Variants in CORO2A observed in about 807,000 individuals in gnomAD.
The protein encoded by CORO2A is coronin-2A.
A neutral mutation model predicts 62.4 loss-of-function variants in CORO2A; 47 were observed. That is an observed-to-expected ratio of 0.75 (90% CI 0.60 to 0.96). CORO2A has a LOEUF of 0.96. Ranked by LOEUF, CORO2A falls within the 40% of genes least tolerant of loss-of-function variation. The pLI, the probability that CORO2A is intolerant of heterozygous loss-of-function variation, is 0.00. For synonymous variants in CORO2A, 273 were observed against 268.9 expected (o/e 1.02, Z -0.15); for missense variants, 610 against 684.1 (o/e 0.89, Z 1.21).
At chr9:98,134,049 G>T (rs1564201917) in intron 4 of CORO2A, among the ~76,000 whole-genome samples, 2 of 152,166 alleles carry the variant, frequency 1.3e-5, no homozygotes, top group East Asian at 3.9e-4. Context: ...ACCATGTCCG[G>T]CCCCCCACCT....
chr9:98,132,400 TGG>T, intron 5 of CORO2A, 99 bp from the exon 6 acceptor site: 1 of 917,270 alleles, frequency 1.1e-6, no homozygotes, highest in African/African-American at 1.6e-5. Flanking sequence ...CCGCTCCACC[TGG>T]GAGGCCTCCC....
chr9:98,157,764 G>A, intron 1 of CORO2A, 104 bp from the exon 2 acceptor site: 1 of 1,096,562 alleles, frequency 9.1e-7, no homozygotes, highest in Non-Finnish European at 1.3e-6. Context: ...GAGCAGGACA[G>A]TGGTCAGTTC....
Position 98,165,387 on chromosome 9 carries a change from G to C in CORO2A, c.1-7727C>G, listed in dbSNP as rs969863738. On this transcript the variant is annotated intron_variant, in intron 1 of 11. Coordinates refer to ENST00000375077, the MANE Select transcript of CORO2A (RefSeq NM_052820.4). ...CGAACCATAGAATAGAAATTTCAAA[G>C]CAGAATAATCCAGGAAGCTTTATAG... is the stretch of plus-strand genomic sequence containing the variant. Among the ~76,000 whole-genome samples, 3 of 152,320 alleles carry C rather than the reference G, an allele frequency of 2.0e-5. No homozygotes were observed. The East Asian group carries it at 5.8e-4, about 29-fold the overall frequency.
At chr9:98,141,349 C>A (rs1389037543) in intron 2 of CORO2A, among the ~76,000 whole-genome samples, 1 of 103,844 alleles carries the variant, frequency 9.6e-6, no homozygotes, top group African/African-American at 3.7e-5. Context: ...ACCACTGACC[C>A]TTTTTTTTTT....
chr9:98,127,602 A>C (rs533207877), intron 10 of CORO2A, among the ~76,000 whole-genome samples: 1 of 152,134 alleles, frequency 6.6e-6, no homozygotes, highest in Non-Finnish European at 1.5e-5. Context: ...ACTTGAGGTC[A>C]AGAGTTTGAG....
At chr9:98,161,899 C>A (rs1827891628) in intron 1 of CORO2A, among the ~76,000 whole-genome samples, 1 of 152,126 alleles carries the variant, frequency 6.6e-6, no homozygotes, top group African/African-American at 2.4e-5. Flanking sequence ...GTAGGGGGTA[C>A]CTGGGGTCTG....
chr9:98,155,064 T>C (rs1450670653), intron 2 of CORO2A, among the ~76,000 whole-genome samples: 1 of 152,220 alleles, frequency 6.6e-6, no homozygotes, highest in Admixed American at 6.5e-5. Context: ...TACACAACTC[T>C]GTATACTTGC....
chr9:98,132,045 T>C, intron 6 of CORO2A, 140 bp downstream of exon 6: 1 of 724,582 alleles, frequency 1.4e-6, no homozygotes, highest in Non-Finnish European at 2.4e-6. Context: ...TCCCTGCTAT[T>C]CATCCCCGGA....
intron 10 of CORO2A, 36 bp downstream of exon 10, chr9:98,128,134 T>C (rs2118794497): frequency 1.3e-6 from 2 of 1,555,250 alleles, no homozygotes; most frequent in Non-Finnish European, 1.8e-6. Flanking sequence ...CATGTTCCTG[T>C]CACATTTGCC....
In CORO2A at chr9:98,137,658, C is replaced by A; in HGVS notation, c.232G>T (p.Val78Phe). 2 of 1,614,236 alleles carry A rather than the reference C, an allele frequency of 1.2e-6. No homozygotes were observed. The highest frequency in any genetic ancestry group is 2.2e-5 in the South Asian group (2 of 91,084). Residue 78 changes from valine to phenylalanine, a missense_variant, in exon 3 of 12, where the codon GTC becomes TTC. By Grantham distance (50) the Val-to-Phe change is conservative. Transcript: ENST00000375077. ...TGKLDPHYPKVCGHRGNVLDV... is the reference protein window; with the variant it reads ...TGKLDPHYPKFCGHRGNVLDV... ...AAAACGTTGCCTCTGTGCCCGCAGA[C>A]TTTTGGGTAGTGGGGGTCCAACTTC...
At chr9:98,174,798 C>T (rs190534931) in intron 1 of CORO2A, among the ~76,000 whole-genome samples, 225 of 152,252 alleles carry the variant, frequency 1.5e-3, no homozygotes, top group African/African-American at 5.3e-3. Context: ...AACTGTGAGT[C>T]AATTAAACCT....
chr9:98,172,843 T>C (rs1426304947), intron 1 of CORO2A: 2 of 152,266 alleles, frequency 1.3e-5, no homozygotes, highest in Admixed American at 6.5e-5. Flanking sequence ...GCCAGCAGCC[T>C]GGGTTTATGA....
chr9:98,168,133 T>A (rs72603682), intron 1 of CORO2A, among the ~76,000 whole-genome samples: 2 of 152,150 alleles, frequency 1.3e-5, no homozygotes, highest in Non-Finnish European at 2.9e-5. Context: ...AAATAAAGTG[T>A]AAAATCCAGC....
chr9:98,135,874 C>G (rs944555515), intron 3 of CORO2A, among the ~76,000 whole-genome samples: 2 of 152,172 alleles, frequency 1.3e-5, no homozygotes, highest in African/African-American at 4.8e-5. Flanking sequence ...CTGATGAGGG[C>G]TGTCACTGCA....
chr9:98,147,023 T>A (rs909587734), intron 2 of CORO2A, among the ~76,000 whole-genome samples: 1 of 152,030 alleles, frequency 6.6e-6, no homozygotes, highest in East Asian at 1.9e-4. Flanking sequence ...TCCCAGCACT[T>A]TGGGGGGCTG....
chr9:98,134,419 G>C (rs1040056996), intron 4 of CORO2A, among the ~76,000 whole-genome samples: 3 of 152,168 alleles, frequency 2.0e-5, no homozygotes, highest in Non-Finnish European at 4.4e-5. Flanking sequence ...TGTCCACCTG[G>C]AACCTCAGAA....
intron 1 of CORO2A, among the ~76,000 whole-genome samples, chr9:98,178,350 C>G (rs547029294): frequency 6.6e-6 from 1 of 152,338 alleles, no homozygotes; most frequent in African/African-American, 2.4e-5. Context: ...CTTCCATTCC[C>G]TTGTCTTCAT....
chr9:98,181,329 T>G (rs568755384), intron 1 of CORO2A, among the ~76,000 whole-genome samples: 1 of 140,476 alleles, frequency 7.1e-6, no homozygotes, highest in South Asian at 2.3e-4. Context: ...CATCTCTCTC[T>G]CTTGCTTTTT....
chr9:98,167,418 T>C (rs79804230), intron 1 of CORO2A, among the ~76,000 whole-genome samples: 16,139 of 152,240 alleles, frequency 0.11, 1,092 homozygotes, highest in East Asian at 0.21. Context: ...GCGTACTTAA[T>C]ACCACTGAAC....
Sources: gnomAD v4.1 joint callset for allele counts (sites outside exome capture counted in the v4.1 genomes callset) on GRCh38, gnomAD v4.1.1 for gene constraint, MANE v1.5 for transcripts, NCBI Gene and HGNC (gene_info 2026-07-23, HGNC 2026-07-21) for gene names.